The following ZNF521 variants were observed in gnomAD, a reference collection of about 807,000 sequenced individuals.
ZNF521 encodes LYST-interacting protein 3.
Under a neutral mutation model 105.5 loss-of-function variants are expected in ZNF521, and 14 were observed. That is an observed-to-expected ratio of 0.13 (90% CI 0.09 to 0.21). The LOEUF (loss-of-function observed/expected upper bound fraction) is 0.21, where lower values mean the gene tolerates loss of function less well. ZNF521 is among the 10% of genes least tolerant of loss of function. ZNF521 has a pLI of 1.00. For synonymous variants in ZNF521, 635 were observed against 606.0 expected (o/e 1.05, Z -0.70); for missense variants, 1,233 against 1,629.7 (o/e 0.76, Z 4.19).
chr18:25,094,197 A>T (rs2033806627), intron 5 of ZNF521, among the ~76,000 whole-genome samples: 1 of 152,198 alleles, frequency 6.6e-6, no homozygotes, highest in South Asian at 2.1e-4. Flanking sequence ...TCACATGAGC[A>T]TAAAGTGAAT....
intron 7 of ZNF521, among the ~76,000 whole-genome samples, chr18:25,072,880 C>A (rs535550882): frequency 1.3e-5 from 2 of 152,284 alleles, no homozygotes; most frequent in East Asian, 3.9e-4. Flanking sequence ...AATTTTTTCC[C>A]CTGTAATGTT....
intron 3 of ZNF521, among the ~76,000 whole-genome samples, chr18:25,275,281 A>G (rs1909956638): frequency 6.6e-6 from 1 of 152,208 alleles, no homozygotes; most frequent in South Asian, 2.1e-4. Context: ...AATACAACTT[A>G]TGGCGCAAAA....
intron 3 of ZNF521, among the ~76,000 whole-genome samples, chr18:25,304,808 G>T (rs1284538976): frequency 6.6e-6 from 1 of 152,110 alleles, no homozygotes; most frequent in Non-Finnish European, 1.5e-5. Flanking sequence ...AGCCATTCTG[G>T]TATATAATGA....
At chr18:25,296,630 G>C (rs1911331589) in intron 3 of ZNF521, among the ~76,000 whole-genome samples, 1 of 152,074 alleles carries the variant, frequency 6.6e-6, no homozygotes, top group Non-Finnish European at 1.5e-5. Flanking sequence ...TCACACAATG[G>C]TGTACACATC....
intron 5 of ZNF521, among the ~76,000 whole-genome samples, chr18:25,139,090 G>A (rs1295944832): frequency 2.6e-5 from 4 of 152,122 alleles, no homozygotes; most frequent in African/African-American, 7.2e-5. Context: ...GCAAAAAGAC[G>A]CTGGGCACGG....
At chr18:25,140,823 C>T (rs4455050) in intron 5 of ZNF521, among the ~76,000 whole-genome samples, 39,667 of 152,020 alleles carry the variant, frequency 0.26, 6,306 homozygotes, top group Non-Finnish European at 0.35. Context: ...TGTGATGATG[C>T]CAAGATTACA....
intron 3 of ZNF521, among the ~76,000 whole-genome samples, chr18:25,311,580 A>G (rs1005063300): frequency 6.6e-6 from 1 of 152,132 alleles, no homozygotes; most frequent in Non-Finnish European, 1.5e-5. Flanking sequence ...TCTTCCCCAC[A>G]AAAGAGACCC....
At chr18:25,232,733 C>T (rs1906617545) in intron 3 of ZNF521, among the ~76,000 whole-genome samples, 1 of 152,170 alleles carries the variant, frequency 6.6e-6, no homozygotes, top group South Asian at 2.1e-4. Context: ...GCGGTTTATA[C>T]CTCTCTTCTC....
chr18:25,145,354 A>C (rs941147959), intron 5 of ZNF521, among the ~76,000 whole-genome samples: 26 of 152,264 alleles, frequency 1.7e-4, no homozygotes, highest in Non-Finnish European at 3.1e-4. Context: ...TTGAAGGTTA[A>C]AACTTTTTAA....
intron 5 of ZNF521, among the ~76,000 whole-genome samples, chr18:25,156,528 T>C (rs1428837845): frequency 1.3e-5 from 2 of 152,206 alleles, no homozygotes; most frequent in African/African-American, 4.8e-5. Flanking sequence ...ATGAGCAAAG[T>C]AGAAAGACTG....
chr18:25,204,080 T>C (rs1016488686), intron 4 of ZNF521, among the ~76,000 whole-genome samples: 3 of 152,310 alleles, frequency 2.0e-5, no homozygotes, highest in Middle Eastern at 3.4e-3. Flanking sequence ...GAGTAAAAGC[T>C]CCGTGAGACT....
Position 25,224,605 on chromosome 18 carries a change from G to A in ZNF521, c.3313C>T (p.Pro1105Ser). The change falls in exon 4 of 8, where the codon CCA (proline) becomes TCA (serine). Residue 1105 changes from proline (P) to serine (S), a missense_variant. Pro to Ser is a moderately conservative substitution (Grantham distance 74, BLOSUM62 -1). Coordinates refer to ENST00000361524, the MANE Select transcript of ZNF521 (RefSeq NM_015461.3). ...GCVNLSKSASPGINVPPGTNR... is the reference protein window; with the variant it reads ...GCVNLSKSASSGINVPPGTNR... Reference sequence around the variant, plus strand: ...GTGCCGGGAGGGACGTTAATGCCTGGGCTGGCGCTCTTACTGAGATTCACG... The same window carrying A: ...GTGCCGGGAGGGACGTTAATGCCTGAGCTGGCGCTCTTACTGAGATTCACG... 2 of 1,614,096 alleles carry A rather than the reference G, an allele frequency of 1.2e-6. No individual in the cohort carries two copies. Among genetic ancestry groups the A allele is most frequent in the Admixed American group, 1.7e-5 (1 of 60,020 alleles).
intron 5 of ZNF521, among the ~76,000 whole-genome samples, chr18:25,157,053 G>C (rs1381027228): frequency 6.6e-6 from 1 of 152,036 alleles, no homozygotes; most frequent in African/African-American, 2.4e-5. Flanking sequence ...AGAAAAACTA[G>C]CTGGGCATGG....
At chr18:25,123,449 G>C (rs2034482943) in intron 5 of ZNF521, among the ~76,000 whole-genome samples, 1 of 152,178 alleles carries the variant, frequency 6.6e-6, no homozygotes, top group Non-Finnish European at 1.5e-5. Flanking sequence ...TGTTTTCCAA[G>C]TCAAAAACCT....
intron 5 of ZNF521, among the ~76,000 whole-genome samples, chr18:25,166,647 C>T (rs2035347339): frequency 6.6e-6 from 1 of 152,180 alleles, no homozygotes; most frequent in South Asian, 2.1e-4. Flanking sequence ...TAATTCAAAT[C>T]TTTTCCTATG....
At chr18:25,256,230 C>T (rs1908492718) in intron 3 of ZNF521, among the ~76,000 whole-genome samples, 1 of 151,652 alleles carries the variant, frequency 6.6e-6, no homozygotes, top group African/African-American at 2.4e-5. Flanking sequence ...AGACAAAACA[C>T]AGAATGGTAT....
intron 2 of ZNF521, among the ~76,000 whole-genome samples, chr18:25,329,458 G>C (rs80193796): frequency 0.02 from 2,971 of 152,296 alleles, 110 homozygotes; most frequent in African/African-American, 0.066. Context: ...AGAAGAGCAA[G>C]TTGGGCTACA....
chr18:25,226,050 A>G lies in ZNF521; in HGVS notation c.1868T>C (p.Val623Ala). The change falls in exon 4 of 8, where the codon GTA (valine) becomes GCA (alanine). Residue 623 changes from valine to alanine, a missense_variant. Physicochemically the swap from Val to Ala is moderately conservative, Grantham distance 64. This residue lies in a region of ZNF521 where 614 missense variants were observed against 751.5 expected (regional missense o/e 0.82). Coordinates refer to ENST00000361524, the MANE Select transcript of ZNF521 (RefSeq NM_015461.3). The surrounding 1 kb of genome is among the most constrained non-coding windows in gnomAD (Gnocchi z 4.1). ...EQTSLKMMQA[V>A]GGAPARPTGE... ...AGTGGGACGTGCAGGTGCACCTCCT[A>G]CTGCCTGCATCATCTTAAGAGATGT... The G allele has an allele frequency of 6.2e-7, 1 of 1,614,200 alleles. No individual in the cohort carries two copies.
At chr18:25,217,825 T>C (rs972916163) in intron 4 of ZNF521, among the ~76,000 whole-genome samples, 2 of 152,214 alleles carry the variant, frequency 1.3e-5, no homozygotes, top group Non-Finnish European at 2.9e-5. Flanking sequence ...CTCCATATTA[T>C]CTGCACAGGG....
Sources: gnomAD v4.1 joint callset for allele counts (sites outside exome capture counted in the v4.1 genomes callset) on GRCh38, gnomAD v4.1.1 for gene constraint, gnomAD v4.1.1 regional missense constraint, Gnocchi (gnomAD v3.1) non-coding constraint, MANE v1.5 for transcripts, NCBI Gene and HGNC (gene_info 2026-07-23, HGNC 2026-07-21) for gene names.